SLCO1B1: variants seen among roughly 807,000 people sequenced by gnomAD.
SLCO1B1 encodes the protein OATP-2.
Under a neutral mutation model 70.1 loss-of-function variants are expected in SLCO1B1, and 81 were observed. That is an observed-to-expected ratio of 1.16 (90% CI 0.97 to 1.39). The LOEUF is 1.39. Among genes scored for constraint, SLCO1B1 ranks in the 40% most tolerant of loss-of-function variants. SLCO1B1 has a pLI of 0.00. For missense variants in SLCO1B1, 895 were observed against 799.6 expected (o/e 1.12, Z -1.44); for synonymous variants, 283 against 271.5 (o/e 1.04, Z -0.42).
At chr12:21,201,903 TGC>T (rs1266232027) in intron 9 of SLCO1B1, among the ~76,000 whole-genome samples, 2 of 152,170 alleles carry the variant, frequency 1.3e-5, no homozygotes, top group African/African-American at 4.8e-5. Flanking sequence ...TAAAGATACA[TGC>T]ACACATATGT....
chr12:21,177,941 A>G (rs1940841788), intron 5 of SLCO1B1, among the ~76,000 whole-genome samples: 2 of 152,190 alleles, frequency 1.3e-5, no homozygotes, highest in Admixed American at 1.3e-4. Flanking sequence ...TTTTAAATAT[A>G]TAATGGATAT....
At chr12:21,229,016 A>G (rs954325511) in intron 14 of SLCO1B1, among the ~76,000 whole-genome samples, 7 of 151,848 alleles carry the variant, frequency 4.6e-5, no homozygotes, top group Admixed American at 2.6e-4. Context: ...AAAAAAAAAG[A>G]GCAGTGCATT....
Position 21,239,358 on chromosome 12 carries a change from G to GA in SLCO1B1, c.*175dup, listed in dbSNP as rs916146872. 1.6e-6 allele frequency: 1 copy of GA among 612,664 alleles called. No individual in the cohort carries two copies. Among genetic ancestry groups the GA allele is most frequent in the Non-Finnish European group, 2.9e-6 (1 of 339,132 alleles). 38.0% of individuals were successfully genotyped at this position (612,664 alleles called of 1,614,324 possible). A position where few individuals can be genotyped will look rare whatever the true frequency, so the allele number is the denominator to read the frequency against. Reference sequence around the variant, plus strand: ...CTTATAATAAAACAAACTGTAGGTAGAAAAAATGAGAGTACTCATTGTTAC... The same window carrying GA: ...CTTATAATAAAACAAACTGTAGGTAGAAAAAAATGAGAGTACTCATTGTTAC... On this transcript the variant is annotated 3_prime_UTR_variant, in exon 15 of 15. Coordinates refer to ENST00000256958, the MANE Select transcript of SLCO1B1 (RefSeq NM_006446.5).
intron 2 of SLCO1B1, among the ~76,000 whole-genome samples, chr12:21,160,258 G>A (rs1293871955): frequency 1.3e-5 from 2 of 151,916 alleles, no homozygotes; most frequent in African/African-American, 4.8e-5. Flanking sequence ...AAAACAGCAT[G>A]GTACTAGTAG....
chr12:21,173,494 TTGTATATTTAATCTGTATTTTATA>T (rs1177183339), intron 3 of SLCO1B1, among the ~76,000 whole-genome samples: 62 of 152,204 alleles, frequency 4.1e-4, no homozygotes, highest in African/African-American at 1.4e-3. Context: ...AAGTTCTAAT[TTGTATATTTAATCTGTATTTTATA>T]TTTACAACAG....
chr12:21,175,005 G>C (rs1456404977), intron 4 of SLCO1B1, among the ~76,000 whole-genome samples: 1 of 152,012 alleles, frequency 6.6e-6, no homozygotes, highest in East Asian at 1.9e-4. Flanking sequence ...ATAAGATTTT[G>C]ATTATTTTTT....
chr12:21,231,015 T>G (rs554532153), intron 14 of SLCO1B1, among the ~76,000 whole-genome samples: 26 of 129,896 alleles, frequency 2.0e-4, no homozygotes, highest in Middle Eastern at 4.3e-3. Context: ...ATGTTCCCCT[T>G]CCTGTGTCCA....
intron 7 of SLCO1B1, among the ~76,000 whole-genome samples, chr12:21,183,137 A>G (rs1417057584): frequency 2.0e-5 from 3 of 152,220 alleles, no homozygotes; most frequent in Non-Finnish European, 4.4e-5. Flanking sequence ...CCCGAGTAAC[A>G]GCTTATCTGC....
At chr12:21,217,727 C>T (rs538858773) in intron 12 of SLCO1B1, among the ~76,000 whole-genome samples, 184 of 152,216 alleles carry the variant, frequency 1.2e-3, no homozygotes, top group Non-Finnish European at 2.5e-3. Flanking sequence ...CATTTGATAA[C>T]ATTCCAAAAC....
chr12:21,205,167 T>A (rs1328493985), intron 10 of SLCO1B1, among the ~76,000 whole-genome samples: 4 of 147,020 alleles, frequency 2.7e-5, no homozygotes, highest in African/African-American at 1.1e-4. Context: ...AAGAAAATAA[T>A]TTTTTAAATG....
intron 7 of SLCO1B1, among the ~76,000 whole-genome samples, chr12:21,195,868 C>A (rs1219187946): frequency 6.6e-6 from 1 of 152,078 alleles, no homozygotes. Flanking sequence ...AAGGGTAGTA[C>A]CTGAAAAGTT....
chr12:21,140,099 G>A (rs568233605), intron 1 of SLCO1B1, among the ~76,000 whole-genome samples: 1 of 152,138 alleles, frequency 6.6e-6, no homozygotes, highest in South Asian at 2.1e-4. Context: ...CCAAAATATT[G>A]TGACCAGAGG....
chr12:21,180,682 T>C (rs1019693193), intron 7 of SLCO1B1, among the ~76,000 whole-genome samples: 2 of 152,032 alleles, frequency 1.3e-5, no homozygotes, highest in Admixed American at 6.6e-5. Flanking sequence ...ATAAAGAAAA[T>C]ACTTGATAAA....
intron 8 of SLCO1B1, among the ~76,000 whole-genome samples, chr12:21,198,199 C>T (rs117404978): frequency 0.013 from 2,004 of 152,152 alleles, 19 homozygotes; most frequent in Non-Finnish European, 0.021. Flanking sequence ...TGTTCTGGTA[C>T]TCTTTATATT....
intron 1 of SLCO1B1, among the ~76,000 whole-genome samples, chr12:21,133,489 G>A (rs182875852): frequency 4.6e-5 from 7 of 152,112 alleles, no homozygotes; most frequent in South Asian, 2.1e-4. Context: ...CTATTTGTTC[G>A]TATCCTCTTT....
intron 12 of SLCO1B1, among the ~76,000 whole-genome samples, chr12:21,220,711 A>G (rs903953436): frequency 6.6e-6 from 1 of 151,884 alleles, no homozygotes; most frequent in South Asian, 2.1e-4. Context: ...AACTGTGTCA[A>G]GGGCTGCTGA....
chr12:21,193,572 G>C (rs77819645), intron 7 of SLCO1B1, among the ~76,000 whole-genome samples: 1 of 151,976 alleles, frequency 6.6e-6, no homozygotes. Flanking sequence ...TTTGCAACTT[G>C]AGACAGTTTT....
At chr12:21,136,172 G>A (rs1004686358) in intron 1 of SLCO1B1, among the ~76,000 whole-genome samples, 1 of 152,148 alleles carries the variant, frequency 6.6e-6, no homozygotes, top group Non-Finnish European at 1.5e-5. Flanking sequence ...ACTCTCTTCT[G>A]GCTTGTAGAG....
intron 7 of SLCO1B1, among the ~76,000 whole-genome samples, chr12:21,187,694 T>C (rs1480204221): frequency 6.6e-6 from 1 of 151,864 alleles, no homozygotes; most frequent in Non-Finnish European, 1.5e-5. Flanking sequence ...AGTCATTAAG[T>C]GCAAAACAAT....
Sources: gnomAD v4.1 joint callset for allele counts (sites outside exome capture counted in the v4.1 genomes callset) on GRCh38, gnomAD v4.1.1 for gene constraint, MANE v1.5 for transcripts, NCBI Gene and HGNC (gene_info 2026-07-23, HGNC 2026-07-21) for gene names.